Variants in ZNF623 observed in about 807,000 individuals in gnomAD.
ZNF623 encodes zinc finger protein 623.
In ZNF623, 16 loss-of-function variants were observed where a neutral mutation model predicts 24.0. That is an observed-to-expected ratio of 0.67 (90% CI 0.45 to 1.01). The LOEUF is 1.01. Ranked by LOEUF, ZNF623 falls within the 50% of genes least tolerant of loss-of-function variation. The pLI, the probability that ZNF623 is intolerant of heterozygous loss-of-function variation, is 0.00. For missense variants in ZNF623, 566 were observed against 606.5 expected, an observed-to-expected ratio of 0.93 and a Z score of 0.70; for synonymous variants, 224 against 219.8, an observed-to-expected ratio of 1.02 and a Z score of -0.17.
chr8:143,651,584 G>T lies in ZNF623; in HGVS notation c.*101G>T. ...GACATGTCAGAATTTTGTGAGTCATGGATGGGGCTGCTTTTGCAGTGGGTG... is the reference window on the plus strand; with the variant it reads ...GACATGTCAGAATTTTGTGAGTCATTGATGGGGCTGCTTTTGCAGTGGGTG... On this transcript the variant is annotated 3_prime_UTR_variant, in exon 2 of 2. Coordinates refer to ENST00000526926, the MANE Select transcript of ZNF623 (RefSeq NM_001261843.2). 1.4e-6 allele frequency: 2 copies of T among 1,387,404 alleles called. No individual in the cohort carries two copies. Among genetic ancestry groups the T allele is most frequent in the Non-Finnish European group, 2.0e-6 (2 of 1,024,790 alleles). 85.9% of individuals were successfully genotyped at this position (1,387,404 alleles called of 1,614,324 possible).
chr8:143,646,695 T>C (rs1815183841), intron 1 of ZNF623, among the ~76,000 whole-genome samples: 1 of 152,020 alleles, frequency 6.6e-6, no homozygotes, highest in South Asian at 2.1e-4. Flanking sequence ...GACAGGGTTT[T>C]GCTCTGTCAC....
intron 1 of ZNF623, among the ~76,000 whole-genome samples, chr8:143,638,485 C>T (rs907272245): frequency 1.5e-4 from 23 of 151,874 alleles, no homozygotes; most frequent in Admixed American, 1.5e-3. Context: ...AATCCAATCC[C>T]AGCACTTTGG....
In ZNF623 at chr8:143,647,030, C is replaced by T. The variant is rs148498640; in HGVS notation, c.-95-2868C>T. Among the ~76,000 whole-genome samples the T allele has an allele frequency of 2.1e-3, 327 of 152,250 alleles. 3 individuals are homozygous for T. The highest frequency in any genetic ancestry group is 5.7e-3 in the African/African-American group (235 of 41,534). On this transcript the variant is annotated intron_variant, in intron 1 of 1. Transcript: ENST00000526926. ...CTTCATGGTTCATAAAATTGTGTCA[C>T]ATCTCGCAGTCGATGGCTGCTTTGA...
chr8:143,638,039 A>G (rs1814963550), intron 1 of ZNF623, among the ~76,000 whole-genome samples: 1 of 152,244 alleles, frequency 6.6e-6, no homozygotes, highest in African/African-American at 2.4e-5. Context: ...AAAACTGAAG[A>G]TAGCTATTTC....
chr8:143,643,107 T>G (rs1225807008), intron 1 of ZNF623, among the ~76,000 whole-genome samples: 1 of 152,194 alleles, frequency 6.6e-6, no homozygotes, highest in African/African-American at 2.4e-5. Flanking sequence ...GAGAAAAATG[T>G]GATGTGCTGT....
At chr8:143,646,672 T>G (rs1312150286) in intron 1 of ZNF623, among the ~76,000 whole-genome samples, 1 of 151,952 alleles carries the variant, frequency 6.6e-6, no homozygotes, top group African/African-American at 2.4e-5. Context: ...GAGTGTTTTT[T>G]GTTGTTGTTT....
At chr8:143,645,431 CAA>C (rs11370593) in intron 1 of ZNF623, among the ~76,000 whole-genome samples, 70,596 of 142,702 alleles carry the variant, frequency 0.49, 20,696 homozygotes, top group Non-Finnish European at 0.67. Flanking sequence ...GACTCCATCT[CAA>C]AAAAAAAAAA....
chr8:143,643,176 C>T (rs1342054014), intron 1 of ZNF623, among the ~76,000 whole-genome samples: 1 of 152,344 alleles, frequency 6.6e-6, no homozygotes, highest in Non-Finnish European at 1.5e-5. Flanking sequence ...CCAGTAAGCA[C>T]ACAGGGTTCT....
At position 143,646,886 on chromosome 8, in the gene ZNF623, G is replaced by A. The variant is rs147541347; in HGVS notation, c.-95-3012G>A. On this transcript the variant is annotated intron_variant, in intron 1 of 1. Coordinates refer to ENST00000526926, the MANE Select transcript of ZNF623 (RefSeq NM_001261843.2). ...TTTCTACCTTGCCCAGGCAGACGTT[G>A]AACTCCTGGTCTCAAGTGACCCTCC... 2.4e-4 allele frequency among the ~76,000 whole-genome samples: 36 copies of A among 152,200 alleles called. No homozygotes were observed. The East Asian group carries it at 6.8e-3, about 29-fold the overall frequency.
intron 1 of ZNF623, among the ~76,000 whole-genome samples, chr8:143,645,245 C>T (rs1373607382): frequency 6.6e-6 from 1 of 152,136 alleles, no homozygotes; most frequent in Non-Finnish European, 1.5e-5. Flanking sequence ...AGATCGAGAC[C>T]ATCCTGGCTA....
Position 143,651,906 on chromosome 8 carries a change from C to G in ZNF623, c.*423C>G, listed in dbSNP as rs193297197. ...AGAAAGGTAACTCGTGTATGAACCCCGAGCCATTTCCCTGTTGTCCTGAGG... is the reference window on the plus strand; with the variant it reads ...AGAAAGGTAACTCGTGTATGAACCCGGAGCCATTTCCCTGTTGTCCTGAGG... On this transcript the variant is annotated 3_prime_UTR_variant, in exon 2 of 2. Transcript: ENST00000526926. The G allele has an allele frequency of 2.9e-4, 51 of 173,090 alleles. No individual in the cohort carries two copies. The highest frequency in any genetic ancestry group is 4.7e-4 in the Non-Finnish European group (34 of 72,248). 10.7% of individuals were successfully genotyped at this position (173,090 alleles called of 1,614,324 possible).
At chr8:143,639,341 C>T (rs564266260) in intron 1 of ZNF623, among the ~76,000 whole-genome samples, 34 of 152,146 alleles carry the variant, frequency 2.2e-4, no homozygotes, top group African/African-American at 6.5e-4. Flanking sequence ...CTCCCGTCTC[C>T]GCCTCCCAAG....
At chr8:143,645,747 G>A (rs999210214) in intron 1 of ZNF623, among the ~76,000 whole-genome samples, 43 of 152,304 alleles carry the variant, frequency 2.8e-4, no homozygotes, top group African/African-American at 7.0e-4. Flanking sequence ...CAGCATGAGC[G>A]AGTTTGGGTG....
intron 1 of ZNF623, among the ~76,000 whole-genome samples, chr8:143,639,442 T>C (rs1420651824): frequency 1.3e-5 from 2 of 152,226 alleles, no homozygotes; most frequent in East Asian, 3.9e-4. Flanking sequence ...CAGGCTGGTC[T>C]CGAACTCCTG....
At chr8:143,644,758 A>C (rs79598300) in intron 1 of ZNF623, among the ~76,000 whole-genome samples, 26,431 of 148,258 alleles carry the variant, frequency 0.18, 2,648 homozygotes, top group East Asian at 0.46. Flanking sequence ...TGAACCCAGG[A>C]GGCGGAGGTT....
intron 1 of ZNF623, 114 bp from the exon 2 acceptor site, chr8:143,649,784 A>T (rs1051584406): frequency 1.5e-6 from 2 of 1,347,820 alleles, no homozygotes; most frequent in African/African-American, 2.9e-5. Flanking sequence ...GGTCAGGATG[A>T]GGGGCAGAGG....
At chr8:143,640,004 G>A (rs1815014002) in intron 1 of ZNF623, among the ~76,000 whole-genome samples, 1 of 152,202 alleles carries the variant, frequency 6.6e-6, no homozygotes, top group Admixed American at 6.5e-5. Context: ...CTTAAAGGAA[G>A]AAGGAAACAG....
rs1449229882 is a variant in ZNF623, at chr8:143,651,332, A to G, written c.1340A>G (p.Tyr447Cys). ...HQKIHTEEKL[Y>C]ECSQYGRDFN... is the part of the protein sequence containing the mutation. ...AAAATTCATACTGAAGAGAAGCTCT[A>G]TGAATGTAGTCAGTATGGGAGAGAT... The change falls in exon 2 of 2, where the codon TAT becomes TGT. Residue 447 changes from tyrosine (Y) to cysteine (C), a missense_variant. Physicochemically the swap from Tyr to Cys is radical, Grantham distance 194. This residue lies in a region of ZNF623 where 136 missense variants were observed against 131.9 expected (regional missense o/e 1.03). Coordinates refer to ENST00000526926, the MANE Select transcript of ZNF623 (RefSeq NM_001261843.2). The G allele has an allele frequency of 1.1e-5, 18 of 1,614,128 alleles. No individual in the cohort carries two copies. Among genetic ancestry groups the G allele is most frequent in the Admixed American group, 1.7e-5 (1 of 60,006 alleles).
intron 1 of ZNF623, among the ~76,000 whole-genome samples, chr8:143,637,651 G>T (rs1814955161): frequency 6.6e-6 from 1 of 152,194 alleles, no homozygotes; most frequent in Non-Finnish European, 1.5e-5. Flanking sequence ...CCGGATTCAA[G>T]TGATTCTTCT....
Sources: allele counts gnomAD v4.1 joint callset (sites outside exome capture counted in the v4.1 genomes callset), GRCh38; gene constraint gnomAD v4.1.1; regional missense constraint gnomAD v4.1.1; transcripts MANE v1.5; gene names NCBI Gene and HGNC (gene_info 2026-07-23, HGNC 2026-07-21).